Variants in DENND5B observed in about 807,000 individuals in gnomAD.
DENND5B encodes the protein DENN domain containing 5B.
DENND5B carries 34 observed loss-of-function variants against 140.6 expected under a neutral mutation model. The observed-to-expected ratio is 0.24, with a 90% confidence interval of 0.18 to 0.32. The LOEUF (loss-of-function observed/expected upper bound fraction) is 0.32, where lower values mean the gene tolerates loss of function less well. Among genes scored for constraint, DENND5B ranks in the 10% least tolerant of loss-of-function variants. DENND5B has a pLI of 1.00. For missense variants in DENND5B, 1,142 were observed against 1,560.2 expected, an observed-to-expected ratio of 0.73 and a Z score of 4.52; for synonymous variants, 551 against 562.1, an observed-to-expected ratio of 0.98 and a Z score of 0.28.
intron 11 of DENND5B, among the ~76,000 whole-genome samples, chr12:31,422,332 A>C (rs1943063764): frequency 6.6e-6 from 1 of 151,434 alleles, no homozygotes; most frequent in Admixed American, 6.6e-5. Context: ...CGGGAGGCTG[A>C]GGCAGGAGAA....
At chr12:31,537,659 A>G (rs1948548973) in intron 1 of DENND5B, among the ~76,000 whole-genome samples, 1 of 152,150 alleles carries the variant, frequency 6.6e-6, no homozygotes, top group Non-Finnish European at 1.5e-5. Flanking sequence ...ACATTCTCCA[A>G]TAAAAAGACA....
At chr12:31,535,320 G>A in intron 1 of DENND5B, 1 of 168,398 alleles carries the variant, frequency 5.9e-6, no homozygotes, top group Non-Finnish European at 1.3e-5. Flanking sequence ...GTCTGACCCA[G>A]CACAGTCCCA....
At chr12:31,556,060 T>C (rs566145649) in intron 1 of DENND5B, among the ~76,000 whole-genome samples, 163 of 152,364 alleles carry the variant, frequency 1.1e-3, no homozygotes, top group African/African-American at 3.5e-3. Context: ...CTGCACCCAC[T>C]GTCCTGCACC....
chr12:31,417,328 G>A (rs536913799), intron 11 of DENND5B, among the ~76,000 whole-genome samples: 310 of 136,166 alleles, frequency 2.3e-3, no homozygotes, highest in Non-Finnish European at 3.7e-3. Flanking sequence ...CTGCACTCCA[G>A]CCTGGGTGAC....
At chr12:31,570,118 C>T (rs1450952495) in intron 1 of DENND5B, among the ~76,000 whole-genome samples, 2 of 145,352 alleles carry the variant, frequency 1.4e-5, no homozygotes, top group South Asian at 2.2e-4. Context: ...TCACTGGAAC[C>T]CGGGAGGTGG....
At chr12:31,511,946 C>T (rs374285012) in intron 1 of DENND5B, among the ~76,000 whole-genome samples, 23 of 29,506 alleles carry the variant, frequency 7.8e-4, no homozygotes, top group African/African-American at 2.6e-3. Context: ...TTTTTTGTGA[C>T]GGAGTCTCGC....
In DENND5B at chr12:31,429,033, G is replaced by A. The variant is rs1015338406; in HGVS notation, c.2107-2609C>T. ...GGTGTGAGCCACTGCACCCGGCCAC[G>A]CCCGGCTAATTTTTATATTTTTAAG... On this transcript the variant is annotated intron_variant, in intron 8 of 20. Transcript: ENST00000389082. Among the ~76,000 whole-genome samples, 7 of 149,220 alleles carry A rather than the reference G, an allele frequency of 4.7e-5. No homozygotes were observed. In the South Asian group the frequency reaches 1.3e-3, roughly 27 times the overall value.
chr12:31,523,622 C>T (rs570951824), intron 1 of DENND5B, among the ~76,000 whole-genome samples: 10 of 150,864 alleles, frequency 6.6e-5, no homozygotes, highest in Non-Finnish European at 1.2e-4. Context: ...AAAAAAAAGT[C>T]GTACAACACT....
At chr12:31,445,359 C>T (rs1004463988) in intron 6 of DENND5B, among the ~76,000 whole-genome samples, 1 of 152,114 alleles carries the variant, frequency 6.6e-6, no homozygotes, top group African/African-American at 2.4e-5. Flanking sequence ...GTTACTTAAC[C>T]TCTCAGTTTT....
intron 3 of DENND5B, 145 bp downstream of exon 3, chr12:31,479,444 C>A: frequency 7.6e-6 from 5 of 655,188 alleles, no homozygotes; most frequent in Non-Finnish European, 1.1e-5. Context: ...ATCTCAGCCG[C>A]TGGTCCCACC....
At chr12:31,473,867 C>A (rs1258845679) in intron 3 of DENND5B, among the ~76,000 whole-genome samples, 1 of 152,198 alleles carries the variant, frequency 6.6e-6, no homozygotes, top group African/African-American at 2.4e-5. Context: ...GAGATTCTCA[C>A]ATATAGGGAG....
chr12:31,510,796 T>A (rs1310146609), intron 1 of DENND5B, among the ~76,000 whole-genome samples: 1 of 152,204 alleles, frequency 6.6e-6, no homozygotes, highest in Non-Finnish European at 1.5e-5. Context: ...CTTAATTAAA[T>A]CTGTAAAATT....
chr12:31,545,519 A>T (rs1204605838), intron 1 of DENND5B, among the ~76,000 whole-genome samples: 1 of 152,248 alleles, frequency 6.6e-6, no homozygotes, highest in Non-Finnish European at 1.5e-5. Flanking sequence ...GTGAAAAATT[A>T]TAAATGACAA....
At chr12:31,442,952 G>T in intron 6 of DENND5B, 27 bp from the exon 7 acceptor site, 1 of 1,540,348 alleles carries the variant, frequency 6.5e-7, no homozygotes, top group Non-Finnish European at 8.8e-7. Context: ...TAATAAATTA[G>T]AGACATTTCA....
At chr12:31,586,060 T>C (rs961878808) in intron 1 of DENND5B, among the ~76,000 whole-genome samples, 10 of 152,216 alleles carry the variant, frequency 6.6e-5, no homozygotes, top group Non-Finnish European at 1.3e-4. Context: ...TGTATATTTA[T>C]TTTACTTAAT....
rs568396238 is a variant in DENND5B at position 31,450,770 on chromosome 12, C to T, written c.1629+1170G>A. Among the ~76,000 whole-genome samples the T allele has an allele frequency of 1.2e-3, 178 of 152,260 alleles. 2 individuals carry two copies. Among genetic ancestry groups the T allele is most frequent in the African/African-American group, 4.2e-3 (176 of 41,544 alleles). ...GGCCTTTCATGACCCAAAGAGGCCA[C>T]TTAGTGAAACCCATGATACATTCTA... On this transcript the variant is annotated intron_variant, in intron 5 of 20. Coordinates refer to ENST00000389082, the MANE Select transcript of DENND5B (RefSeq NM_144973.4).
At position 31,487,721 on chromosome 12, in the gene DENND5B, C is replaced by G. The variant is rs188155256; in HGVS notation, c.238-7466G>C. Among the ~76,000 whole-genome samples the G allele has an allele frequency of 3.3e-5, 5 of 152,080 alleles. No individual in the cohort carries two copies. The East Asian group carries it at 9.7e-4, about 29-fold the overall frequency. On this transcript the variant is annotated intron_variant, in intron 2 of 20. Coordinates refer to ENST00000389082, the MANE Select transcript of DENND5B (RefSeq NM_144973.4). ...TCTCAAAAAAACAAACAAACAAAAACAACAAAAAACCCTAAAAACCCAAAA... is the reference window on the plus strand; with the variant it reads ...TCTCAAAAAAACAAACAAACAAAAAGAACAAAAAACCCTAAAAACCCAAAA...
chr12:31,463,474 G>A (rs1245742688), intron 3 of DENND5B, among the ~76,000 whole-genome samples: 1 of 152,076 alleles, frequency 6.6e-6, no homozygotes, highest in Non-Finnish European at 1.5e-5. Flanking sequence ...ACATATAATA[G>A]AGGCTAAAAC....
Position 31,447,581 on chromosome 12 carries a change from C to T in DENND5B, c.1818G>A (p.Leu606=). The T allele has an allele frequency of 6.2e-7, 1 of 1,613,882 alleles. No homozygotes were observed. Among genetic ancestry groups the T allele is most frequent in the Non-Finnish European group, 8.5e-7 (1 of 1,179,854 alleles). The change falls in exon 6 of 21, where the codon TTG becomes TTA. Residue 606 remains leucine, a synonymous_variant. Coordinates refer to ENST00000389082, the MANE Select transcript of DENND5B (RefSeq NM_144973.4). ...IRLYNVRAPT[L]RTSIYQKCST... Reference sequence around the variant, plus strand: ...TGCATTTCTGATATATAGATGTCCGCAAGGTGGGTGCCCTTACATTATACA... The same window carrying T: ...TGCATTTCTGATATATAGATGTCCGTAAGGTGGGTGCCCTTACATTATACA...
Sources: gnomAD v4.1 joint callset for allele counts (sites outside exome capture counted in the v4.1 genomes callset) on GRCh38, gnomAD v4.1.1 for gene constraint, MANE v1.5 for transcripts, NCBI Gene and HGNC (gene_info 2026-07-23, HGNC 2026-07-21) for gene names.